The following KHDC3L variants were observed in gnomAD, a reference collection of about 807,000 sequenced individuals.
The protein encoded by KHDC3L is KH domain-containing protein 3.
A neutral mutation model predicts 11.4 loss-of-function variants in KHDC3L; 6 were observed. The observed-to-expected ratio is 0.52, with a 90% CI of 0.29 to 1.03. The LOEUF (loss-of-function observed/expected upper bound fraction) is 1.03, where lower values mean the gene tolerates loss of function less well. Among genes scored for constraint, KHDC3L ranks in the 50% least tolerant of loss-of-function variants. KHDC3L has a pLI of 0.09. For missense variants in KHDC3L, 293 were observed against 290.4 expected (o/e 1.01, Z -0.07); for synonymous variants, 127 against 120.9 (o/e 1.05, Z -0.33).
chr6:73,362,835 T>A lies in KHDC3L; in HGVS notation c.106T>A (p.Ser36Thr), dbSNP rs776478308. Residue 36 changes from serine to threonine, a missense_variant, in exon 1 of 3, where the codon TCT (serine) becomes ACT (threonine). By Grantham distance (58) the Ser-to-Thr change is moderately conservative. Coordinates refer to ENST00000370367, the MANE Select transcript of KHDC3L (RefSeq NM_001017361.3). Reference sequence around the variant, plus strand: ...CCCTAAGCGGTTCTCCTGGTTCCACTCTGAGTTCCTGAAGAATCCGAAGGT... The same window carrying A: ...CCCTAAGCGGTTCTCCTGGTTCCACACTGAGTTCCTGAAGAATCCGAAGGT... ...HLPKRFSWFH[S>T]EFLKNPKVVR... The A allele has an allele frequency of 1.2e-6, 2 of 1,614,208 alleles. No individual in the cohort carries two copies. Among genetic ancestry groups the A allele is most frequent in the Admixed American group, 3.3e-5 (2 of 60,024 alleles).
Position 73,363,803 on chromosome 6 carries a change from C to A in KHDC3L, c.597C>A (p.Ser199Arg). The A allele has an allele frequency of 6.2e-7, 1 of 1,612,500 alleles. No homozygotes were observed. The highest frequency in any genetic ancestry group is 1.3e-5 in the African/African-American group (1 of 74,978). Reference sequence around the variant, plus strand: ...CCCAGCGATCCCCCGAAGCTGCCAGCAAGGCAGTGACCCAGCGGTTTCGCG... The same window carrying A: ...CCCAGCGATCCCCCGAAGCTGCCAGAAAGGCAGTGACCCAGCGGTTTCGCG... ...SGTQRSPEAA[S>R]KAVTQRFRED... is the part of the protein sequence containing the mutation. The change falls in exon 3 of 3, where the codon AGC (serine) becomes AGA (arginine). Residue 199 changes from serine to arginine, a missense_variant. Transcript: ENST00000370367.
chr6:73,363,700 T>C lies in KHDC3L; in HGVS notation c.494T>C (p.Val165Ala), dbSNP rs1430362385. ...GTQRSVEVQE[V>A]GTQGSPVEVQ... is the part of the protein sequence containing the mutation. ...CAGCGTTCGGTGGAAGTCCAGGAGGTCGGGACACAGGGTTCTCCGGTGGAG... is the reference window on the plus strand; with the variant it reads ...CAGCGTTCGGTGGAAGTCCAGGAGGCCGGGACACAGGGTTCTCCGGTGGAG... Residue 165 changes from valine to alanine, a missense_variant, in exon 3 of 3, where the codon GTC becomes GCC. Coordinates refer to ENST00000370367, the MANE Select transcript of KHDC3L (RefSeq NM_001017361.3). 6.2e-7 allele frequency: 1 copy of C among 1,611,162 alleles called. No individual in the cohort carries two copies.
chr6:73,362,803 G>T lies in KHDC3L; in HGVS notation c.74G>T (p.Gly25Val). 1 of 1,614,024 alleles carries T rather than the reference G, an allele frequency of 6.2e-7. No homozygotes were observed. Among genetic ancestry groups the T allele is most frequent in the Non-Finnish European group, 8.5e-7 (1 of 1,179,872 alleles). The part of the protein sequence containing the change: ...QPKAMPVEVL[G>V]HLPKRFSWFH... ...AAAGCAATGCCAGTGGAGGTGCTCGGTCACCTCCCTAAGCGGTTCTCCTGG... is the reference window on the plus strand; with the variant it reads ...AAAGCAATGCCAGTGGAGGTGCTCGTTCACCTCCCTAAGCGGTTCTCCTGG... Residue 25 changes from glycine to valine, a missense_variant, in exon 1 of 3, where the codon GGT (glycine) becomes GTT (valine). Coordinates refer to ENST00000370367, the MANE Select transcript of KHDC3L (RefSeq NM_001017361.3).
rs756918113 is a variant in KHDC3L, at chr6:73,363,819, C to A, written c.613C>A (p.Arg205=). 3.7e-6 allele frequency: 6 copies of A among 1,611,048 alleles called. No homozygotes were observed. The East Asian group carries it at 1.1e-4, about 30-fold the overall frequency. ...AGCTGCCAGCAAGGCAGTGACCCAG[C>A]GGTTTCGCGAGGATGCCCGGGACCC... ...PEAASKAVTQ[R]FREDARDPVT... Residue 205 remains arginine, a synonymous_variant, in exon 3 of 3, where the codon CGG becomes AGG. Transcript: ENST00000370367.
Position 73,363,175 on chromosome 6 carries a change from G to A in KHDC3L, c.250G>A (p.Glu84Lys), listed in dbSNP as rs1490312311. 2.5e-6 allele frequency: 4 copies of A among 1,614,046 alleles called. No individual in the cohort carries two copies. Among genetic ancestry groups the A allele is most frequent in the African/African-American group, 2.7e-5 (2 of 74,920 alleles). ...CGTGAATCGATTGGACCCTAACGGCGAGGCTGAGATCTTGGTATTTGGGAG... is the reference window on the plus strand; with the variant it reads ...CGTGAATCGATTGGACCCTAACGGCAAGGCTGAGATCTTGGTATTTGGGAG... ...IHVNRLDPNG[E>K]AEILVFGRPS... Residue 84 changes from glutamate (E) to lysine (K), a missense_variant, in exon 2 of 3, where the codon GAG becomes AAG. By Grantham distance (56) the Glu-to-Lys change is moderately conservative. Transcript: ENST00000370367.
chr6:73,364,132 G>A lies in KHDC3L; in HGVS notation c.*272G>A, dbSNP rs949919694. The A allele has an allele frequency of 6.1e-5, 33 of 540,066 alleles. No individual in the cohort carries two copies. The African/African-American group carries it at 6.2e-4, about 10-fold the overall frequency. The allele number at this position is 540,066 out of a possible 1,614,324, so 33.5% of individuals were successfully genotyped here. ...GTTTTACACCTTCTGTTGAATGGTT[G>A]CCAACACAAACTTGAGTTCTAATAA... On this transcript the variant is annotated 3_prime_UTR_variant, in exon 3 of 3. Transcript: ENST00000370367.
intron 2 of KHDC3L, 67 bp from the exon 3 acceptor site, chr6:73,363,489 T>C (rs1240427657): frequency 1.3e-6 from 2 of 1,556,204 alleles, no homozygotes; most frequent in Non-Finnish European, 1.7e-6. Context: ...GCCGCTTGGG[T>C]GACTGTCCTT....
chr6:73,363,717 C>A lies in KHDC3L; in HGVS notation c.511C>A (p.Pro171Thr), dbSNP rs1420968441. 3 of 1,612,480 alleles carry A rather than the reference C, an allele frequency of 1.9e-6. No individual in the cohort carries two copies. In the African/African-American group the frequency reaches 4.0e-5, roughly 22 times the overall value. ...EVQEVGTQGSPVEVQEAGTQQ... is the reference protein window; with the variant it reads ...EVQEVGTQGSTVEVQEAGTQQ... ...CCAGGAGGTCGGGACACAGGGTTCT[C>A]CGGTGGAGGTGCAGGAGGCCGGGAC... Residue 171 changes from proline to threonine, a missense_variant, in exon 3 of 3, where the codon CCG (proline) becomes ACG (threonine). Pro to Thr is a conservative substitution (Grantham distance 38). Transcript: ENST00000370367.
At position 73,363,274 on chromosome 6, in the gene KHDC3L, G is replaced by C; in HGVS notation, c.349G>C (p.Gly117Arg). The change falls in exon 2 of 3, where the codon GGC becomes CGC. Residue 117 changes from glycine (G) to arginine (R), a missense_variant and splice_region_variant. Coordinates refer to ENST00000370367, the MANE Select transcript of KHDC3L (RefSeq NM_001017361.3). Reference protein sequence around the residue: ...ADYHRQLQAKGSGKALAQDVA... With the variant: ...ADYHRQLQAKRSGKALAQDVA... ...CTATCACCGCCAGCTCCAGGCGAAA[G>C]GTACGGGGCTGGGAATAGGGCTACC... The C allele has an allele frequency of 6.2e-7, 1 of 1,614,070 alleles. No homozygotes were observed. The highest frequency in any genetic ancestry group is 8.5e-7 in the Non-Finnish European group (1 of 1,180,010).
chr6:73,363,504 G>T, intron 2 of KHDC3L, 52 bp from the exon 3 acceptor site: 1 of 1,571,394 alleles, frequency 6.4e-7, no homozygotes. Context: ...GTCCTTTTTT[G>T]GAGAGGATAT....
chr6:73,363,530 G>A (rs1373898409), intron 2 of KHDC3L, 26 bp from the exon 3 acceptor site: 1 of 1,599,634 alleles, frequency 6.3e-7, no homozygotes, highest in Non-Finnish European at 8.5e-7. Flanking sequence ...CACAGCTGTG[G>A]CCTCTGCACA....
Position 73,363,726 on chromosome 6 carries a change from GTGC to G in KHDC3L, c.521_523del (p.Val174_Gln175delinsGlu). 6.2e-7 allele frequency: 1 copy of G among 1,613,206 alleles called. No homozygotes were observed. The highest frequency in any genetic ancestry group is 8.5e-7 in the Non-Finnish European group (1 of 1,179,978). The stretch of plus-strand genomic sequence containing the variant: ...CGGGACACAGGGTTCTCCGGTGGAG[GTGC>G]AGGAGGCCGGGACCCAGCAGTCTCT... On this transcript the variant is annotated inframe_deletion, in exon 3 of 3. Coordinates refer to ENST00000370367, the MANE Select transcript of KHDC3L (RefSeq NM_001017361.3).
In KHDC3L at chr6:73,362,755, C is replaced by T. The variant is rs1249850571; in HGVS notation, c.26C>T (p.Thr9Met). The change falls in exon 1 of 3, where the codon ACG (threonine) becomes ATG (methionine). Residue 9 changes from threonine (T) to methionine (M), a missense_variant. Transcript: ENST00000370367. MDAPRRFPTLVQLMQPKAM... is the reference protein window; with the variant it reads MDAPRRFPMLVQLMQPKAM... ...ATGGACGCTCCCAGGCGGTTTCCGA[C>T]GCTCGTGCAACTGATGCAGCCAAAA... 2 of 1,613,898 alleles carry T rather than the reference C, an allele frequency of 1.2e-6. No individual in the cohort carries two copies. The highest frequency in any genetic ancestry group is 1.3e-5 in the African/African-American group (1 of 74,930).
rs992493041 is a variant in KHDC3L at position 73,363,346 on chromosome 6, T to A, written c.349+72T>A. 3 of 1,578,370 alleles carry A rather than the reference T, an allele frequency of 1.9e-6. No homozygotes were observed. In the African/African-American group the frequency reaches 4.0e-5, roughly 21 times the overall value. The stretch of plus-strand genomic sequence containing the variant: ...AGGAGTGATCCTGGGGTTTCCTGGC[T>A]GCTGGGGCGGCAGTCTCGCCCTCCC... On this transcript the variant is annotated intron_variant, in intron 2 of 2. Coordinates refer to ENST00000370367, the MANE Select transcript of KHDC3L (RefSeq NM_001017361.3).
chr6:73,364,025 G>C lies in KHDC3L; in HGVS notation c.*165G>C. 1.3e-6 allele frequency: 1 copy of C among 745,106 alleles called. No homozygotes were observed. Among genetic ancestry groups the C allele is most frequent in the South Asian group, 1.7e-5 (1 of 60,066 alleles). The allele number at this position is 745,106 out of a possible 1,614,324, so 46.2% of individuals were successfully genotyped here. ...AGTTCTAATAAAGAATTGCAAAGTG[G>C]AAGCCCGCCCCCCGCCTCCCCCCCG... On this transcript the variant is annotated 3_prime_UTR_variant, in exon 3 of 3. Coordinates refer to ENST00000370367, the MANE Select transcript of KHDC3L (RefSeq NM_001017361.3).
Position 73,362,696 on chromosome 6 carries a change from T to C in KHDC3L, c.-34T>C. On this transcript the variant is annotated 5_prime_UTR_variant, in exon 1 of 3. Transcript: ENST00000370367. The stretch of plus-strand genomic sequence containing the variant: ...TCCAGCTCGGCCTTTGGGTTTGCTG[T>C]GGTGTCCTTGTCTCCTGCAGGACCG... The C allele has an allele frequency of 1.2e-6, 2 of 1,612,154 alleles. No homozygotes were observed. Among genetic ancestry groups the C allele is most frequent in the Non-Finnish European group, 1.7e-6 (2 of 1,179,032 alleles).
rs1400417344 is a variant in KHDC3L at position 73,362,679 on chromosome 6, G to A, written c.-51G>A. ...GGTTCTAGTCTCCCAGCTCCAGCTC[G>A]GCCTTTGGGTTTGCTGTGGTGTCCT... On this transcript the variant is annotated 5_prime_UTR_variant, in exon 1 of 3. Coordinates refer to ENST00000370367, the MANE Select transcript of KHDC3L (RefSeq NM_001017361.3). 4.4e-6 allele frequency: 7 copies of A among 1,598,648 alleles called. No homozygotes were observed. The highest frequency in any genetic ancestry group is 5.1e-6 in the Non-Finnish European group (6 of 1,169,498).
rs1476615280 is a variant in KHDC3L at position 73,362,938 on chromosome 6, T to G, written c.169+40T>G. On this transcript the variant is annotated intron_variant, in intron 1 of 2. Coordinates refer to ENST00000370367, the MANE Select transcript of KHDC3L (RefSeq NM_001017361.3). ...AAGGGGCAGCCCCCATGCGGCTTCT[T>G]TCTGCCACCCATACCCACAGCCCAC... 6 of 1,613,640 alleles carry G rather than the reference T, an allele frequency of 3.7e-6. No individual in the cohort carries two copies. In the South Asian group the frequency reaches 5.5e-5, roughly 15 times the overall value.
chr6:73,363,177 G>A lies in KHDC3L; in HGVS notation c.252G>A (p.Glu84=), dbSNP rs1484314020. The A allele has an allele frequency of 1.2e-6, 2 of 1,614,196 alleles. No individual in the cohort carries two copies. The highest frequency in any genetic ancestry group is 1.3e-5 in the African/African-American group (1 of 75,046). Residue 84 remains glutamate, a synonymous_variant, in exon 2 of 3, where the codon GAG becomes GAA. Coordinates refer to ENST00000370367, the MANE Select transcript of KHDC3L (RefSeq NM_001017361.3). ...IHVNRLDPNG[E]AEILVFGRPS... Reference sequence around the variant, plus strand: ...TGAATCGATTGGACCCTAACGGCGAGGCTGAGATCTTGGTATTTGGGAGGC... The same window carrying A: ...TGAATCGATTGGACCCTAACGGCGAAGCTGAGATCTTGGTATTTGGGAGGC...
Sources: allele counts gnomAD v4.1 joint callset, GRCh38; gene constraint gnomAD v4.1.1; transcripts MANE v1.5; gene names NCBI Gene and HGNC (gene_info 2026-07-23, HGNC 2026-07-21).